The following CTNNA2 variants were observed in gnomAD, a reference collection of about 807,000 sequenced individuals.
The protein encoded by CTNNA2 is catenin alpha-2.
A neutral mutation model predicts 101.0 loss-of-function variants in CTNNA2; 42 were observed. The ratio of observed to expected loss-of-function variants is 0.42; its 90% CI spans 0.32 to 0.54. The LOEUF is 0.54. Ranked by LOEUF, CTNNA2 falls within the 20% of genes least tolerant of loss-of-function variation. CTNNA2 has a pLI of 0.14. For missense variants in CTNNA2, 871 were observed against 1,223.1 expected (o/e 0.71, Z 4.29); for synonymous variants, 450 against 456.4 (o/e 0.99, Z 0.18).
intron 7 of CTNNA2, among the ~76,000 whole-genome samples, chr2:80,387,350 T>C (rs1001492593): frequency 7.2e-5 from 11 of 152,086 alleles, no homozygotes; most frequent in African/African-American, 2.7e-4. Context: ...TTGCTTTTTG[T>C]TTTATAAGTT....
chr2:79,242,991 T>TACACACACACACACACACAC (rs1456245339), intron 2 of CTNNA2, among the ~76,000 whole-genome samples: 11 of 120,920 alleles, frequency 9.1e-5, no homozygotes, highest in African/African-American at 3.4e-4. Flanking sequence ...TATATATATA[T>TACACACACACACACACACAC]ATACACACAC....
intron 7 of CTNNA2, among the ~76,000 whole-genome samples, chr2:80,141,854 C>T: frequency 9.1e-6 from 1 of 110,326 alleles, no homozygotes. Context: ...CTAAAGATAG[C>T]ATTTTTTTTT....
At chr2:79,236,676 T>A (rs1015078319) in intron 2 of CTNNA2, among the ~76,000 whole-genome samples, 1 of 152,224 alleles carries the variant, frequency 6.6e-6, no homozygotes, top group Non-Finnish European at 1.5e-5. Flanking sequence ...TTATGTAATA[T>A]TCTAAATCTT....
intron 2 of CTNNA2, among the ~76,000 whole-genome samples, chr2:79,277,478 G>A (rs1056340529): frequency 3.9e-5 from 6 of 152,048 alleles, no homozygotes; most frequent in Non-Finnish European, 8.8e-5. Context: ...ACAGCAGTCA[G>A]CCTGAAGCAT....
chr2:79,524,096 A>C (rs954937902), intron 1 of CTNNA2, among the ~76,000 whole-genome samples: 1 of 152,068 alleles, frequency 6.6e-6, no homozygotes, highest in Non-Finnish European at 1.5e-5. Context: ...TTTCAGAAGA[A>C]TATGATAATC....
At chr2:80,197,046 G>C (rs1706885933) in intron 7 of CTNNA2, among the ~76,000 whole-genome samples, 2 of 151,954 alleles carry the variant, frequency 1.3e-5, no homozygotes, top group South Asian at 4.2e-4. Context: ...TCCCCTCTAA[G>C]CTCTTAAAGG....
intron 7 of CTNNA2, among the ~76,000 whole-genome samples, chr2:80,194,799 A>G (rs995218582): frequency 6.6e-6 from 1 of 150,758 alleles, no homozygotes; most frequent in Non-Finnish European, 1.5e-5. Context: ...ATCATGCTAT[A>G]TACATCTGTG....
At chr2:79,742,529 T>C (rs746137522) in intron 2 of CTNNA2, among the ~76,000 whole-genome samples, 41 of 152,292 alleles carry the variant, frequency 2.7e-4, no homozygotes, top group Non-Finnish European at 4.8e-4. Flanking sequence ...GTATTGGCTG[T>C]TCTGGGGAGT....
At chr2:79,334,741 G>A (rs1162191828) in intron 3 of CTNNA2, among the ~76,000 whole-genome samples, 1 of 152,118 alleles carries the variant, frequency 6.6e-6, no homozygotes, top group Non-Finnish European at 1.5e-5. Context: ...GATCTGGCAA[G>A]GAGAGAACTG....
intron 3 of CTNNA2, among the ~76,000 whole-genome samples, chr2:79,757,042 A>C (rs1280323772): frequency 6.6e-6 from 1 of 152,204 alleles, no homozygotes; most frequent in South Asian, 2.1e-4. Context: ...TTGCCTTATA[A>C]CTCAGTAATC....
chr2:79,816,095 AT>A (rs1382932098), intron 3 of CTNNA2, among the ~76,000 whole-genome samples: 1 of 152,072 alleles, frequency 6.6e-6, no homozygotes, highest in African/African-American at 2.4e-5. Context: ...ATTTGTGTAC[AT>A]TAATCTTGTA....
In CTNNA2 at chr2:80,644,994, A is replaced by T. The variant is rs74504537; in HGVS notation, c.2575-2591A>T. On this transcript the variant is annotated intron_variant, in intron 18 of 18. Transcript: ENST00000402739. Reference sequence around the variant, plus strand: ...TGGAATCTGTGGTAAAAATCTCCAAATTTACTTGTAATCCCTTCTCTTCAG... The same window carrying T: ...TGGAATCTGTGGTAAAAATCTCCAATTTTACTTGTAATCCCTTCTCTTCAG... Among the ~76,000 whole-genome samples, 45 of 152,210 alleles carry T rather than the reference A, an allele frequency of 3.0e-4. 2 individuals are homozygous for T. The East Asian group carries it at 8.3e-3, about 28-fold the overall frequency.
chr2:80,536,521 A>G (rs771481235), intron 9 of CTNNA2, among the ~76,000 whole-genome samples: 2 of 152,196 alleles, frequency 1.3e-5, no homozygotes, highest in Non-Finnish European at 2.9e-5. Context: ...GAAATGATTC[A>G]GTGTTTGGGA....
At chr2:80,076,033 A>G (rs1027438220) in intron 7 of CTNNA2, among the ~76,000 whole-genome samples, 12 of 151,634 alleles carry the variant, frequency 7.9e-5, no homozygotes, top group African/African-American at 1.2e-4. Context: ...AAATAAATAC[A>G]ACTTTTTTTG....
At chr2:80,566,666 A>G (rs1432141735) in intron 12 of CTNNA2, among the ~76,000 whole-genome samples, 1 of 152,170 alleles carries the variant, frequency 6.6e-6, no homozygotes, top group Non-Finnish European at 1.5e-5. Flanking sequence ...ACAGAGGAAT[A>G]ACAGAGCTAG....
At chr2:79,565,173 G>T (rs1213166192) in intron 1 of CTNNA2, among the ~76,000 whole-genome samples, 1 of 151,900 alleles carries the variant, frequency 6.6e-6, no homozygotes, top group African/African-American at 2.4e-5. Flanking sequence ...TAAAAGCCGG[G>T]TTGTCACACG....
At chr2:80,288,585 AAC>A (rs1212125903) in intron 7 of CTNNA2, 1 of 152,178 alleles carries the variant, frequency 6.6e-6, no homozygotes. Flanking sequence ...ACCACACATA[AAC>A]CAGGAATCCA....
At chr2:80,416,413 T>C (rs1348881750) in intron 8 of CTNNA2, among the ~76,000 whole-genome samples, 2 of 152,184 alleles carry the variant, frequency 1.3e-5, no homozygotes, top group East Asian at 3.8e-4. Context: ...CTGACATTTC[T>C]ACTTCAGATC....
At chr2:79,725,663 T>C (rs897405312) in intron 2 of CTNNA2, among the ~76,000 whole-genome samples, 7 of 152,220 alleles carry the variant, frequency 4.6e-5, no homozygotes, top group African/African-American at 1.7e-4. Flanking sequence ...TCTTGTCATT[T>C]CCTGTCCTCT....
Sources: gnomAD v4.1 joint callset for allele counts (sites outside exome capture counted in the v4.1 genomes callset) on GRCh38, gnomAD v4.1.1 for gene constraint, MANE v1.5 for transcripts, NCBI Gene and HGNC (gene_info 2026-07-23, HGNC 2026-07-21) for gene names.